CSTPP1: variants seen among roughly 807,000 people sequenced by gnomAD.
The protein encoded by CSTPP1 is centriolar satellite-associated tubulin polyglutamylase complex regulator 1, also known as UPF0705 protein C11orf49.
the CSTPP1 span, among the ~76,000 whole-genome samples, chr11:47,068,029 T>A: frequency 1.3e-5 from 2 of 152,050 alleles, no homozygotes; most frequent in East Asian, 1.9e-4. Flanking sequence ...TTTTTTTTTT[T>A]AACTGTAGTC....
the CSTPP1 span, among the ~76,000 whole-genome samples, chr11:47,044,043 G>A: frequency 6.6e-6 from 1 of 152,098 alleles, no homozygotes; most frequent in Non-Finnish European, 1.5e-5. Context: ...CTGGAGTGTA[G>A]TGGCGTGATC....
the CSTPP1 span, among the ~76,000 whole-genome samples, chr11:46,955,778 G>A: frequency 6.6e-6 from 1 of 151,646 alleles, no homozygotes; most frequent in Non-Finnish European, 1.5e-5. Flanking sequence ...GATCACCTGA[G>A]GTCAGGAGTT....
At chr11:47,060,507 A>T in the CSTPP1 span, among the ~76,000 whole-genome samples, 6 of 152,136 alleles carry the variant, frequency 3.9e-5, no homozygotes, top group Non-Finnish European at 5.9e-5. Context: ...CAAAGTGCTG[A>T]TTACAGGTGT....
the CSTPP1 span, among the ~76,000 whole-genome samples, chr11:47,105,512 T>A: frequency 9.8e-4 from 148 of 151,394 alleles, no homozygotes; most frequent in Middle Eastern, 3.4e-3. Context: ...GAAAAAAAAA[T>A]TTTTTTTTAA....
At chr11:47,072,185 C>T in the CSTPP1 span, among the ~76,000 whole-genome samples, 1 of 152,192 alleles carries the variant, frequency 6.6e-6, no homozygotes, top group Non-Finnish European at 1.5e-5. Context: ...GCTGCTGTTC[C>T]CAGCACACTG....
chr11:47,078,891 A>G, the CSTPP1 span, among the ~76,000 whole-genome samples: 1 of 152,194 alleles, frequency 6.6e-6, no homozygotes, highest in Non-Finnish European at 1.5e-5. Flanking sequence ...ACGAGTGTCC[A>G]GTTGAGGTTA....
At chr11:47,072,679 A>G in the CSTPP1 span, among the ~76,000 whole-genome samples, 1 of 151,992 alleles carries the variant, frequency 6.6e-6, no homozygotes, top group Admixed American at 6.6e-5. Context: ...TAGAAAATAT[A>G]TATATATACA....
the CSTPP1 span, among the ~76,000 whole-genome samples, chr11:46,938,362 A>G: frequency 6.7e-6 from 1 of 148,304 alleles, no homozygotes; most frequent in East Asian, 1.9e-4. Flanking sequence ...TTATATAGAT[A>G]TATTATTATA....
chr11:47,046,983 C>T, the CSTPP1 span, among the ~76,000 whole-genome samples: 4 of 151,830 alleles, frequency 2.6e-5, no homozygotes, highest in African/African-American at 7.2e-5. Flanking sequence ...TCACTACAAC[C>T]TCCACCTCCC....
chr11:47,057,185 A>G, the CSTPP1 span, among the ~76,000 whole-genome samples: 2 of 152,238 alleles, frequency 1.3e-5, no homozygotes, highest in Non-Finnish European at 2.9e-5. Context: ...AGCAAAAGTT[A>G]TATTAGAATT....
At chr11:47,052,505 G>A in the CSTPP1 span, 2 of 1,613,084 alleles carry the variant, frequency 1.2e-6, no homozygotes, top group Non-Finnish European at 1.7e-6. Flanking sequence ...TCCGAACTGT[G>A]GGCAAAAATG....
chr11:47,118,283 A>C, the CSTPP1 span, among the ~76,000 whole-genome samples: 2 of 152,134 alleles, frequency 1.3e-5, no homozygotes, highest in Non-Finnish European at 2.9e-5. Flanking sequence ...TTCTTGTGCC[A>C]TGGTTTTCAG....
chr11:47,106,925 T>C, the CSTPP1 span, among the ~76,000 whole-genome samples: 1 of 152,212 alleles, frequency 6.6e-6, no homozygotes, highest in Admixed American at 6.5e-5. Context: ...AGTTCTCATT[T>C]GAGCCTGGTC....
chr11:47,032,274 AT>A, the CSTPP1 span, among the ~76,000 whole-genome samples: 72 of 151,908 alleles, frequency 4.7e-4, no homozygotes, highest in Admixed American at 9.9e-4. Context: ...AGCCCATTTC[AT>A]TTTTTTTACT....
At chr11:47,023,804 G>C in the CSTPP1 span, among the ~76,000 whole-genome samples, 1 of 152,098 alleles carries the variant, frequency 6.6e-6, no homozygotes, top group East Asian at 1.9e-4. Context: ...TCTTAAGACT[G>C]AATAATAGTC....
the CSTPP1 span, chr11:47,109,228 T>C: frequency 1.3e-5 from 2 of 152,252 alleles, no homozygotes; most frequent in African/African-American, 4.8e-5. Context: ...TCGTCCACTG[T>C]AGCCATGATG....
At chr11:47,158,837 G>T in the CSTPP1 span, among the ~76,000 whole-genome samples, 1 of 152,090 alleles carries the variant, frequency 6.6e-6, no homozygotes, top group Non-Finnish European at 1.5e-5. Context: ...GCCCAGCAAG[G>T]AGTTCTTTTT....
the CSTPP1 span, among the ~76,000 whole-genome samples, chr11:47,026,433 T>A: frequency 6.6e-6 from 1 of 152,134 alleles, no homozygotes; most frequent in Non-Finnish European, 1.5e-5. Context: ...TTACGGTAAT[T>A]GTTGTTATTT....
chr11:47,060,742 A>G, the CSTPP1 span, among the ~76,000 whole-genome samples: 2 of 152,160 alleles, frequency 1.3e-5, no homozygotes, highest in Admixed American at 6.5e-5. Context: ...ACAAATCGCC[A>G]CTAAAGAACC....
Sources: gnomAD v4.1 joint callset for allele counts (sites outside exome capture counted in the v4.1 genomes callset) on GRCh38, gnomAD v4.1.1 for gene constraint, MANE v1.5 for transcripts, NCBI Gene and HGNC (gene_info 2026-07-23, HGNC 2026-07-21) for gene names.